SPOCK3: variants seen among roughly 807,000 people sequenced by gnomAD.
SPOCK3 encodes testican-3.
In SPOCK3, 30 loss-of-function variants were observed where a neutral mutation model predicts 56.6. The observed-to-expected ratio is 0.53, with a 90% confidence interval of 0.40 to 0.72. The LOEUF (loss-of-function observed/expected upper bound fraction) is 0.72. Ranked by LOEUF, SPOCK3 falls within the 30% of genes least tolerant of loss-of-function variation. The pLI is 0.00. For missense variants in SPOCK3, 527 were observed against 530.0 expected (o/e 0.99, Z 0.06); for synonymous variants, 196 against 183.3 (o/e 1.07, Z -0.56).
At chr4:167,051,339 A>G (rs1050096431) in intron 3 of SPOCK3, among the ~76,000 whole-genome samples, 5 of 152,174 alleles carry the variant, frequency 3.3e-5, no homozygotes, top group Non-Finnish European at 7.3e-5. Context: ...ATGACTTTCT[A>G]TGTATGTCCA....
intron 4 of SPOCK3, among the ~76,000 whole-genome samples, chr4:166,942,285 A>C (rs2150017836): frequency 6.6e-6 from 1 of 152,052 alleles, no homozygotes; most frequent in African/African-American, 2.4e-5. Flanking sequence ...ATATTGGCTC[A>C]CTGAAACCTC....
intron 7 of SPOCK3, among the ~76,000 whole-genome samples, chr4:166,769,025 T>G (rs555758287): frequency 6.6e-6 from 1 of 152,338 alleles, no homozygotes; most frequent in East Asian, 1.9e-4. Flanking sequence ...CTTGCCATGG[T>G]TTTCAGCTCT....
At chr4:166,990,718 G>C (rs1444463384) in intron 4 of SPOCK3, among the ~76,000 whole-genome samples, 1 of 151,728 alleles carries the variant, frequency 6.6e-6, no homozygotes, top group African/African-American at 2.4e-5. Context: ...CAGCAAGTTT[G>C]GATTTAATAT....
chr4:167,031,493 T>C lies in SPOCK3; in HGVS notation c.235+30999A>G, dbSNP rs954490292. Among the ~76,000 whole-genome samples the C allele has an allele frequency of 5.9e-5, 9 of 152,162 alleles. 1 individual carries two copies. Among genetic ancestry groups the C allele is most frequent in the Admixed American group, 3.3e-4 (5 of 15,250 alleles). ...TTAAGAACACATTCCAATATTATTATAATGATAAATGGCTCACTTACAAGA... is the reference window on the plus strand; with the variant it reads ...TTAAGAACACATTCCAATATTATTACAATGATAAATGGCTCACTTACAAGA... On this transcript the variant is annotated intron_variant, in intron 3 of 10. Coordinates refer to ENST00000357545, the MANE Select transcript of SPOCK3 (RefSeq NM_001040159.2).
At chr4:167,224,078 T>C (rs545819965) in intron 2 of SPOCK3, among the ~76,000 whole-genome samples, 282 of 152,236 alleles carry the variant, frequency 1.9e-3, no homozygotes, top group African/African-American at 6.2e-3. Context: ...AAAACAGCCA[T>C]TAATTAAATT....
intron 2 of SPOCK3, among the ~76,000 whole-genome samples, chr4:167,199,120 T>C (rs1178078165): frequency 6.6e-6 from 1 of 152,080 alleles, no homozygotes; most frequent in Non-Finnish European, 1.5e-5. Context: ...ACAGCACTGA[T>C]TGATGCCTGA....
In SPOCK3 at chr4:166,966,896, T is replaced by C. The variant is rs2150066940; in HGVS notation, c.350+33453A>G. On this transcript the variant is annotated intron_variant, in intron 4 of 10. Coordinates refer to ENST00000357545, the MANE Select transcript of SPOCK3 (RefSeq NM_001040159.2). Reference sequence around the variant, plus strand: ...GCTCTATTTCCCAAAGACTGATTCATTTAGAGTGTCATGAGCCCCATAGAT... The same window carrying C: ...GCTCTATTTCCCAAAGACTGATTCACTTAGAGTGTCATGAGCCCCATAGAT... 2.0e-5 allele frequency among the ~76,000 whole-genome samples: 3 copies of C among 152,214 alleles called. No individual in the cohort carries two copies. In the South Asian group the frequency reaches 6.2e-4, roughly 32 times the overall value.
At chr4:166,925,275 C>T (rs911450874) in intron 4 of SPOCK3, among the ~76,000 whole-genome samples, 1 of 152,006 alleles carries the variant, frequency 6.6e-6, no homozygotes, top group Non-Finnish European at 1.5e-5. Flanking sequence ...AATACAAAAA[C>T]CATTCTTAAT....
chr4:167,055,529 A>C (rs1215282514), intron 3 of SPOCK3, among the ~76,000 whole-genome samples: 3 of 152,208 alleles, frequency 2.0e-5, no homozygotes, highest in Non-Finnish European at 4.4e-5. Context: ...CCAAGGGGTC[A>C]GGGAGTTCCC....
chr4:167,143,757 T>G (rs1763716650), intron 2 of SPOCK3, among the ~76,000 whole-genome samples: 1 of 151,998 alleles, frequency 6.6e-6, no homozygotes, highest in Admixed American at 6.6e-5. Flanking sequence ...GCTCACCACC[T>G]CACTGCTCCA....
chr4:167,100,329 C>T (rs946786488), intron 2 of SPOCK3, among the ~76,000 whole-genome samples: 4 of 151,942 alleles, frequency 2.6e-5, no homozygotes, highest in Non-Finnish European at 5.9e-5. Context: ...CTAAAAGTGA[C>T]TCACTGCTTG....
chr4:166,737,972 G>T (rs1443538580), intron 9 of SPOCK3, among the ~76,000 whole-genome samples: 1 of 152,178 alleles, frequency 6.6e-6, no homozygotes. Context: ...CATGGCAGAA[G>T]ACCTGCCACC....
chr4:167,046,108 C>A (rs187909488), intron 3 of SPOCK3, among the ~76,000 whole-genome samples: 1 of 151,984 alleles, frequency 6.6e-6, no homozygotes, highest in Non-Finnish European at 1.5e-5. Context: ...GTTTTTTTTA[C>A]CCCCTTTCAG....
At chr4:166,820,523 C>A (rs1744821830) in intron 6 of SPOCK3, among the ~76,000 whole-genome samples, 1 of 151,744 alleles carries the variant, frequency 6.6e-6, no homozygotes, top group South Asian at 2.1e-4. Flanking sequence ...AACTCTCATA[C>A]CAAACATTAA....
intron 3 of SPOCK3, among the ~76,000 whole-genome samples, chr4:167,015,247 T>C (rs1226141979): frequency 6.6e-6 from 1 of 152,110 alleles, no homozygotes; most frequent in Admixed American, 6.6e-5. Context: ...CAAATACTGT[T>C]GGCAATGTTT....
rs560322375 is a variant in SPOCK3 at position 166,833,618 on chromosome 4, C to T, written c.590-41329G>A. 5.9e-5 allele frequency among the ~76,000 whole-genome samples: 9 copies of T among 152,286 alleles called. No homozygotes were observed. The South Asian group carries it at 1.9e-3, about 32-fold the overall frequency. On this transcript the variant is annotated intron_variant, in intron 6 of 10. Coordinates refer to ENST00000357545, the MANE Select transcript of SPOCK3 (RefSeq NM_001040159.2). ...GCTACCATGTGCTAGTTACATACTG[C>T]TCATTACATTCTATTTGCCCCACAT...
Position 167,189,365 on chromosome 4 carries a change from T to A in SPOCK3, c.189+44620A>T, listed in dbSNP as rs1270220405. On this transcript the variant is annotated intron_variant, in intron 2 of 10. Transcript: ENST00000357545. ...GTCAGCTCATTACAAATGCAATTAA[T>A]AATATACTTACCATATGAGCCAATA... is the stretch of plus-strand genomic sequence containing the variant. Among the ~76,000 whole-genome samples, 3 of 145,896 alleles carry A rather than the reference T, an allele frequency of 2.1e-5. 1 individual carries two copies. The Admixed American group carries it at 2.1e-4, about 10-fold the overall frequency.
At chr4:167,214,938 T>C in intron 2 of SPOCK3, among the ~76,000 whole-genome samples, 1 of 151,692 alleles carries the variant, frequency 6.6e-6, no homozygotes, top group East Asian at 1.9e-4. Context: ...ACATGTTGCA[T>C]ATGCCATGGC....
At chr4:167,118,300 A>T (rs1761596568) in intron 2 of SPOCK3, among the ~76,000 whole-genome samples, 1 of 152,140 alleles carries the variant, frequency 6.6e-6, no homozygotes, top group African/African-American at 2.4e-5. Context: ...GTGCTTTCTT[A>T]CTAGAGGAGC....
Sources: allele counts gnomAD v4.1 joint callset (sites outside exome capture counted in the v4.1 genomes callset), GRCh38; gene constraint gnomAD v4.1.1; transcripts MANE v1.5; gene names NCBI Gene and HGNC (gene_info 2026-07-23, HGNC 2026-07-21).